CPEB3: variants seen among roughly 807,000 people sequenced by gnomAD.
CPEB3 encodes cytoplasmic polyadenylation element binding protein 3, also known as cytoplasmic polyadenylation element-binding protein 3.
In CPEB3, 20 loss-of-function variants were observed where a neutral mutation model predicts 67.2. That is an observed-to-expected ratio of 0.30 (90% CI 0.21 to 0.43). The LOEUF (loss-of-function observed/expected upper bound fraction) is 0.43, where lower values mean the gene tolerates loss of function less well. CPEB3 is among the 20% of genes least tolerant of loss of function. CPEB3 has a pLI of 1.00. For missense variants in CPEB3, 746 were observed against 968.6 expected (o/e 0.77, Z 3.05); for synonymous variants, 376 against 393.1 (o/e 0.96, Z 0.51).
intron 9 of CPEB3, among the ~76,000 whole-genome samples, chr10:92,080,805 C>T (rs1843121288): frequency 6.6e-6 from 1 of 151,998 alleles, no homozygotes; most frequent in East Asian, 1.9e-4. Context: ...CCGTGTTAGC[C>T]AGGATGGTTT....
chr10:92,228,951 A>T (rs1391432763), intron 2 of CPEB3, among the ~76,000 whole-genome samples: 3 of 151,796 alleles, frequency 2.0e-5, no homozygotes, highest in Non-Finnish European at 4.4e-5. Flanking sequence ...TGACCTCGTG[A>T]TCCGCCCACC....
chr10:92,185,577 T>C (rs1348428422), intron 3 of CPEB3, among the ~76,000 whole-genome samples: 2 of 152,236 alleles, frequency 1.3e-5, no homozygotes, highest in Admixed American at 1.3e-4. Flanking sequence ...CATTAATTCA[T>C]AATTGATTAC....
intron 6 of CPEB3, among the ~76,000 whole-genome samples, chr10:92,131,897 ACTGT>A (rs1372051420): frequency 6.6e-6 from 1 of 152,230 alleles, no homozygotes; most frequent in African/African-American, 2.4e-5. Context: ...CTAGAGAAGC[ACTGT>A]CTAACAGAAA....
intron 9 of CPEB3, among the ~76,000 whole-genome samples, chr10:92,073,410 T>C (rs1244291517): frequency 6.6e-6 from 1 of 151,982 alleles, no homozygotes; most frequent in African/African-American, 2.4e-5. Context: ...TCCCAGCACT[T>C]TGGGAGGCCA....
intron 2 of CPEB3, among the ~76,000 whole-genome samples, chr10:92,238,930 C>T (rs1382763867): frequency 6.6e-6 from 1 of 152,130 alleles, no homozygotes; most frequent in Non-Finnish European, 1.5e-5. Context: ...CGCTTGCAGG[C>T]GGCACCCTGA....
At chr10:92,258,860 A>C (rs1852661723) in intron 1 of CPEB3, among the ~76,000 whole-genome samples, 1 of 150,640 alleles carries the variant, frequency 6.6e-6, no homozygotes, top group Non-Finnish European at 1.5e-5. Flanking sequence ...GGTTTTCACC[A>C]TATTAGCCAG....
chr10:92,263,160 C>A (rs1440444970), intron 1 of CPEB3, among the ~76,000 whole-genome samples: 1 of 152,216 alleles, frequency 6.6e-6, no homozygotes, highest in Non-Finnish European at 1.5e-5. Context: ...ACTGCAACCT[C>A]CGCCTCCCAG....
intron 4 of CPEB3, among the ~76,000 whole-genome samples, chr10:92,148,147 T>G (rs1289963012): frequency 3.9e-5 from 6 of 152,164 alleles, no homozygotes; most frequent in African/African-American, 1.4e-4. Flanking sequence ...TTGAAAGCCC[T>G]CAATGATTTC....
At chr10:92,104,874 T>C (rs1156490102) in intron 7 of CPEB3, among the ~76,000 whole-genome samples, 1 of 152,144 alleles carries the variant, frequency 6.6e-6, no homozygotes, top group Non-Finnish European at 1.5e-5. Flanking sequence ...ATTCCTATGA[T>C]GGAAGGTGTC....
At chr10:92,141,844 C>T (rs1846440917) in intron 6 of CPEB3, among the ~76,000 whole-genome samples, 1 of 151,052 alleles carries the variant, frequency 6.6e-6, no homozygotes, top group African/African-American at 2.4e-5. Flanking sequence ...CGGTGAAACC[C>T]TGTCTCTACT....
intron 3 of CPEB3, among the ~76,000 whole-genome samples, chr10:92,190,567 A>T (rs1848921303): frequency 6.7e-6 from 1 of 149,088 alleles, no homozygotes. Context: ...CAGGAAGCTG[A>T]GGCAGGAGAA....
At chr10:92,227,268 A>T (rs989847727) in intron 2 of CPEB3, among the ~76,000 whole-genome samples, 2 of 152,182 alleles carry the variant, frequency 1.3e-5, no homozygotes, top group Non-Finnish European at 1.5e-5. Context: ...ATTCACAAGA[A>T]CGTGTAAGGA....
intron 8 of CPEB3, among the ~76,000 whole-genome samples, chr10:92,090,950 T>C (rs1330890023): frequency 6.6e-6 from 1 of 152,248 alleles, no homozygotes; most frequent in Non-Finnish European, 1.5e-5. Flanking sequence ...ATTATGAGTG[T>C]CTTTATATAG....
intron 2 of CPEB3, among the ~76,000 whole-genome samples, chr10:92,220,480 C>T (rs1850639391): frequency 6.6e-6 from 1 of 151,626 alleles, no homozygotes; most frequent in South Asian, 2.1e-4. Context: ...GTAAAGCCTT[C>T]CCCACCCCAC....
chr10:92,098,438 AG>A (rs1373720302), intron 7 of CPEB3, among the ~76,000 whole-genome samples: 1 of 151,884 alleles, frequency 6.6e-6, no homozygotes, highest in Non-Finnish European at 1.5e-5. Flanking sequence ...CCTCCCAAGT[AG>A]CTGGGATTAC....
rs1852227168 is a variant in CPEB3, at chr10:92,049,851, T to C, written c.*2361A>G. 1 of 152,720 alleles carries C rather than the reference T, an allele frequency of 6.5e-6. No homozygotes were observed. The highest frequency in any genetic ancestry group is 1.9e-4 in the East Asian group (1 of 5,190). The allele number at this position is 152,720 out of a possible 1,614,324, so 9.5% of individuals were successfully genotyped here. ...AGGTTAGATATGATCTTTAATATTA[T>C]AGTTATAAAGCTCTAACTTCTTCAT... On this transcript the variant is annotated 3_prime_UTR_variant, in exon 10 of 10. Coordinates refer to ENST00000265997, the MANE Select transcript of CPEB3 (RefSeq NM_014912.5).
rs557106598 is a variant in CPEB3 at position 92,230,499 on chromosome 10, T to C, written c.1005+8847A>G. ...ATATTTATTATTTCTGAGAATTATA[T>C]AATAGTGCTTCTTAGGAGAGAAAAG... On this transcript the variant is annotated intron_variant, in intron 2 of 9. Transcript: ENST00000265997. 7.9e-4 allele frequency among the ~76,000 whole-genome samples: 120 copies of C among 152,314 alleles called. 1 individual carries two copies. Among genetic ancestry groups the C allele is most frequent in the Non-Finnish European group, 1.5e-3 (100 of 68,034 alleles).
At chr10:92,138,768 CCA>C (rs1336146913) in intron 6 of CPEB3, among the ~76,000 whole-genome samples, 2 of 152,068 alleles carry the variant, frequency 1.3e-5, no homozygotes, top group Non-Finnish European at 2.9e-5. Flanking sequence ...ATTAGTATAG[CCA>C]CTATGGAGAA....
At chr10:92,067,631 C>G (rs1186248655) in intron 9 of CPEB3, among the ~76,000 whole-genome samples, 2 of 152,074 alleles carry the variant, frequency 1.3e-5, no homozygotes, top group Admixed American at 1.3e-4. Flanking sequence ...CCAGCCTGAC[C>G]AACACGGAGA....
Sources: gnomAD v4.1 joint callset for allele counts (sites outside exome capture counted in the v4.1 genomes callset) on GRCh38, gnomAD v4.1.1 for gene constraint, MANE v1.5 for transcripts, NCBI Gene and HGNC (gene_info 2026-07-23, HGNC 2026-07-21) for gene names.